Variants in SMIM31 observed in about 807,000 individuals in gnomAD.
SMIM31 encodes human epithelial cell program regulator.
At chr4:164,777,918 C>G (rs1732897910) in intron 2 of SMIM31, among the ~76,000 whole-genome samples, 2 of 152,234 alleles carry the variant, frequency 1.3e-5, no homozygotes. Flanking sequence ...TTGCTGTTGT[C>G]CAACTGTGTC....
rs77000089 is a variant in SMIM31, at chr4:164,797,101, C to T, written c.113-3990C>T. The stretch of plus-strand genomic sequence containing the variant: ...TCTTTTAGTTAATAATATTCACATA[C>T]ATCACTCCTCATCTCCCTCAAGTAC... On this transcript the variant is annotated intron_variant, in intron 2 of 2. Transcript: ENST00000507311. Among the ~76,000 whole-genome samples, 69 of 152,246 alleles carry T rather than the reference C, an allele frequency of 4.5e-4. 1 individual carries two copies. In the East Asian group the frequency reaches 0.012, roughly 26 times the overall value.
intron 2 of SMIM31, among the ~76,000 whole-genome samples, chr4:164,777,483 A>C (rs1732892111): frequency 6.6e-6 from 1 of 152,246 alleles, no homozygotes. Context: ...TAGAGGTAGC[A>C]CATAGTGACG....
intron 1 of SMIM31, among the ~76,000 whole-genome samples, chr4:164,760,552 G>GA (rs1335543940): frequency 1.4e-5 from 2 of 143,716 alleles, no homozygotes; most frequent in Non-Finnish European, 3.1e-5. Context: ...CCAACATGGT[G>GA]AAACCCCAAC....
intron 2 of SMIM31, among the ~76,000 whole-genome samples, chr4:164,800,417 G>T (rs775641940): frequency 6.6e-6 from 1 of 151,924 alleles, no homozygotes; most frequent in East Asian, 1.9e-4. Context: ...CCTGTTGGCC[G>T]GGCTGGTTTT....
intron 1 of SMIM31, among the ~76,000 whole-genome samples, chr4:164,764,830 G>A (rs1453530048): frequency 6.6e-6 from 1 of 152,140 alleles, no homozygotes; most frequent in Non-Finnish European, 1.5e-5. Flanking sequence ...TCTCATAAAA[G>A]GAGAACTTTT....
At chr4:164,796,858 G>T (rs905043898) in intron 2 of SMIM31, among the ~76,000 whole-genome samples, 6 of 152,096 alleles carry the variant, frequency 3.9e-5, no homozygotes, top group Non-Finnish European at 8.8e-5. Flanking sequence ...TCATTCATTG[G>T]CTCAAAATCT....
rs569782590 is a variant in SMIM31 at position 164,786,343 on chromosome 4, G to A, written c.113-14748G>A. Among the ~76,000 whole-genome samples the A allele has an allele frequency of 5.9e-5, 9 of 152,254 alleles. 1 individual carries two copies. The South Asian group carries it at 1.9e-3, about 32-fold the overall frequency. On this transcript the variant is annotated intron_variant, in intron 2 of 2. Coordinates refer to ENST00000507311, the MANE Select transcript of SMIM31 (RefSeq NM_001352885.1). ...GCCATTCAGGAGCTACCTGAAAGCT[G>A]TTCCCAGGGCCTAGTCTGTGTTCCA...
At chr4:164,769,224 G>C (rs1732760761) in intron 1 of SMIM31, among the ~76,000 whole-genome samples, 1 of 151,902 alleles carries the variant, frequency 6.6e-6, no homozygotes, top group African/African-American at 2.4e-5. Context: ...ATTCTCTCCT[G>C]TACATGGAGA....
intron 2 of SMIM31, among the ~76,000 whole-genome samples, chr4:164,793,072 T>C (rs6824113): frequency 0.73 from 110,594 of 152,080 alleles, 40,729 homozygotes; most frequent in Non-Finnish European, 0.8. Flanking sequence ...ATATGGCTGA[T>C]ACTGGAGGTC....
intron 2 of SMIM31, among the ~76,000 whole-genome samples, chr4:164,788,155 G>C (rs1452844616): frequency 6.6e-6 from 1 of 152,176 alleles, no homozygotes. Context: ...ACTGGTCCCT[G>C]TTTGGAAGAA....
At chr4:164,795,371 A>T (rs1733176023) in intron 2 of SMIM31, among the ~76,000 whole-genome samples, 1 of 152,184 alleles carries the variant, frequency 6.6e-6, no homozygotes, top group Non-Finnish European at 1.5e-5. Context: ...CAGCCTGGCC[A>T]ACATGGCAAA....
chr4:164,783,481 G>T (rs1732986716), intron 2 of SMIM31, among the ~76,000 whole-genome samples: 2 of 149,200 alleles, frequency 1.3e-5, no homozygotes, highest in South Asian at 4.2e-4. Flanking sequence ...CCCCTGTTGA[G>T]CCGCTACACT....
At chr4:164,783,257 C>T (rs1395007616) in intron 2 of SMIM31, among the ~76,000 whole-genome samples, 1 of 149,444 alleles carries the variant, frequency 6.7e-6, no homozygotes, top group Non-Finnish European at 1.5e-5. Flanking sequence ...GGTGCTGTGG[C>T]TCACACCTGT....
intron 1 of SMIM31, among the ~76,000 whole-genome samples, chr4:164,765,453 A>G (rs969766520): frequency 2.6e-5 from 4 of 152,212 alleles, no homozygotes; most frequent in African/African-American, 9.6e-5. Context: ...GGACGGGATA[A>G]TTCAAGGCTT....
At chr4:164,769,275 G>A (rs1579063642) in intron 1 of SMIM31, among the ~76,000 whole-genome samples, 1 of 151,950 alleles carries the variant, frequency 6.6e-6, no homozygotes, top group East Asian at 1.9e-4. Flanking sequence ...TCACGTCTCC[G>A]TACTACTAAG....
At chr4:164,758,702 C>T (rs541960263) in intron 1 of SMIM31, among the ~76,000 whole-genome samples, 2 of 124,364 alleles carry the variant, frequency 1.6e-5, no homozygotes, top group East Asian at 5.3e-4. Flanking sequence ...GACGTGATCT[C>T]GGCTGACTGC....
At position 164,796,074 on chromosome 4, in the gene SMIM31, A is replaced by G. The variant is rs893075852; in HGVS notation, c.113-5017A>G. On this transcript the variant is annotated intron_variant, in intron 2 of 2. Transcript: ENST00000507311. Reference sequence around the variant, plus strand: ...ATTCTCAGTGGGCTTAGAACTACTTAATGCTTGAATTTGCTTACCCAAAAT... The same window carrying G: ...ATTCTCAGTGGGCTTAGAACTACTTGATGCTTGAATTTGCTTACCCAAAAT... 5.9e-5 allele frequency among the ~76,000 whole-genome samples: 9 copies of G among 152,308 alleles called. 1 individual carries two copies. The highest frequency in any genetic ancestry group is 3.9e-4 in the Admixed American group (6 of 15,296).
chr4:164,766,293 C>G (rs1156231786), intron 1 of SMIM31, among the ~76,000 whole-genome samples: 2 of 152,162 alleles, frequency 1.3e-5, no homozygotes, highest in African/African-American at 4.8e-5. Context: ...CATCTTCAAT[C>G]CAGAGTTTCC....
At chr4:164,773,021 C>T (rs1251155164) in intron 2 of SMIM31, among the ~76,000 whole-genome samples, 1 of 94,446 alleles carries the variant, frequency 1.1e-5, no homozygotes, top group East Asian at 3.1e-4. Flanking sequence ...GAAAAAGACA[C>T]TTGGCTTTAA....
Sources: gnomAD v4.1 joint callset for allele counts (sites outside exome capture counted in the v4.1 genomes callset) on GRCh38, gnomAD v4.1.1 for gene constraint, MANE v1.5 for transcripts, NCBI Gene and HGNC (gene_info 2026-07-23, HGNC 2026-07-21) for gene names.